C9: variants seen among roughly 807,000 people sequenced by gnomAD.
The protein encoded by C9 is complement C9.
C9 carries 63 observed loss-of-function variants against 65.4 expected under a neutral mutation model. That is an observed-to-expected ratio of 0.96 (90% confidence interval 0.79 to 1.19). The LOEUF (loss-of-function observed/expected upper bound fraction) is 1.19. C9 is among the 50% of genes most tolerant of loss of function. The pLI, the probability that C9 is intolerant of heterozygous loss-of-function variation, is 0.00. For missense variants in C9, 744 were observed against 670.1 expected, an observed-to-expected ratio of 1.11 and a Z score of -1.22; for synonymous variants, 229 against 227.9, an observed-to-expected ratio of 1.00 and a Z score of -0.04.
intron 9 of C9, among the ~76,000 whole-genome samples, chr5:39,305,488 G>A (rs1259509558): frequency 6.6e-6 from 1 of 152,036 alleles, no homozygotes; most frequent in Non-Finnish European, 1.5e-5. Context: ...TAATCAAACT[G>A]GAGTAGGGAG....
intron 1 of C9, among the ~76,000 whole-genome samples, chr5:39,358,013 C>T (rs891503424): frequency 2.0e-5 from 3 of 152,110 alleles, no homozygotes; most frequent in African/African-American, 7.2e-5. Context: ...TTCAGCTCCC[C>T]AGCTGATTGA....
At chr5:39,328,209 C>T (rs74435106) in intron 5 of C9, among the ~76,000 whole-genome samples, 4,576 of 152,242 alleles carry the variant, frequency 0.03, 214 homozygotes, top group African/African-American at 0.1. Context: ...AGTAAGTACA[C>T]AGAATAACTT....
At chr5:39,359,987 G>T (rs1754485341) in intron 1 of C9, among the ~76,000 whole-genome samples, 2 of 152,168 alleles carry the variant, frequency 1.3e-5, no homozygotes. Context: ...CTGTTCACTT[G>T]CATGGAATAT....
At chr5:39,345,653 C>G (rs1754177825) in intron 1 of C9, among the ~76,000 whole-genome samples, 1 of 152,208 alleles carries the variant, frequency 6.6e-6, no homozygotes, top group Non-Finnish European at 1.5e-5. Flanking sequence ...GAATTTAACT[C>G]AGCTCTGCAC....
chr5:39,298,316 A>G (rs1292009569), intron 9 of C9, among the ~76,000 whole-genome samples: 1 of 151,696 alleles, frequency 6.6e-6, no homozygotes, highest in Non-Finnish European at 1.5e-5. Flanking sequence ...ATGAGAATTG[A>G]AATAGAAATT....
chr5:39,288,325 G>A (rs574165479), intron 10 of C9, among the ~76,000 whole-genome samples: 50 of 151,506 alleles, frequency 3.3e-4, no homozygotes, highest in African/African-American at 1.2e-3. Context: ...TCTTAAAAAA[G>A]GGTTTTAAAG....
At chr5:39,313,039 G>A in intron 6 of C9, among the ~76,000 whole-genome samples, 1 of 152,002 alleles carries the variant, frequency 6.6e-6, no homozygotes, top group East Asian at 1.9e-4. Context: ...GTATATCTTG[G>A]GATTTGGGGT....
intron 6 of C9, among the ~76,000 whole-genome samples, chr5:39,312,959 A>G (rs1342575983): frequency 6.6e-6 from 1 of 152,112 alleles, no homozygotes; most frequent in Non-Finnish European, 1.5e-5. Flanking sequence ...CCTGACTTGC[A>G]CAAGAATTCT....
intron 9 of C9, among the ~76,000 whole-genome samples, chr5:39,295,518 G>C (rs1753170574): frequency 6.6e-6 from 1 of 151,520 alleles, no homozygotes; most frequent in African/African-American, 2.4e-5. Context: ...GAAAAACTAT[G>C]AAACACTATT....
At chr5:39,343,178 G>A (rs1754122215) in intron 1 of C9, among the ~76,000 whole-genome samples, 2 of 152,102 alleles carry the variant, frequency 1.3e-5, no homozygotes, top group African/African-American at 4.8e-5. Flanking sequence ...CAGACAGTGG[G>A]GGCAGGACAG....
At chr5:39,322,696 T>C (rs1438776919) in intron 5 of C9, among the ~76,000 whole-genome samples, 1 of 152,148 alleles carries the variant, frequency 6.6e-6, no homozygotes, top group Non-Finnish European at 1.5e-5. Context: ...ATCCGTGGAT[T>C]CAACCATCAT....
At chr5:39,328,627 C>A (rs1445698929) in intron 5 of C9, among the ~76,000 whole-genome samples, 1 of 151,652 alleles carries the variant, frequency 6.6e-6, no homozygotes, top group Admixed American at 6.6e-5. Context: ...CTTGGATGAA[C>A]AAAATAATTT....
intron 9 of C9, among the ~76,000 whole-genome samples, chr5:39,300,533 G>GA (rs1247737064): frequency 6.6e-6 from 1 of 151,516 alleles, no homozygotes; most frequent in Non-Finnish European, 1.5e-5. Context: ...AACAAATTGA[G>GA]AAAAAAAGAC....
At chr5:39,317,262 G>A (rs149343654) in intron 5 of C9, among the ~76,000 whole-genome samples, 4,477 of 152,134 alleles carry the variant, frequency 0.029, 197 homozygotes, top group African/African-American at 0.099. Flanking sequence ...TTGTCAGATG[G>A]ATAGATTGCA....
chr5:39,311,210 G>GGA lies in C9; in HGVS notation c.1037_1038insTC (p.Ser347ProfsTer7). The GGA allele has an allele frequency of 6.2e-7, 1 of 1,612,196 alleles. No individual in the cohort carries two copies. Among genetic ancestry groups the GGA allele is most frequent in the Non-Finnish European group, 8.5e-7 (1 of 1,178,336 alleles). ...GTCCTCCTAGAGACCCAGAGCTACT[G>GGA]TAGTGAGTTCCATAGGTTTCCAAAA... On this transcript the variant is annotated frameshift_variant, in exon 7 of 11. Coordinates refer to ENST00000263408, the MANE Select transcript of C9 (RefSeq NM_001737.5). LOFTEE classifies it high-confidence loss of function.
chr5:39,341,396 A>T (rs1754078906), intron 3 of C9, 103 bp from the exon 4 acceptor site: 1 of 1,494,482 alleles, frequency 6.7e-7, no homozygotes, highest in Non-Finnish European at 9.3e-7. Context: ...AGGTATCAGA[A>T]AAACACATTT....
intron 5 of C9, among the ~76,000 whole-genome samples, chr5:39,322,647 G>T (rs1014948951): frequency 6.6e-6 from 1 of 152,036 alleles, no homozygotes; most frequent in African/African-American, 2.4e-5. Flanking sequence ...AATGAAAGAG[G>T]AGACATTACT....
At chr5:39,312,143 T>C (rs887954182) in intron 6 of C9, among the ~76,000 whole-genome samples, 1 of 152,176 alleles carries the variant, frequency 6.6e-6, no homozygotes, top group East Asian at 1.9e-4. Flanking sequence ...ATTTTAAACA[T>C]AGATCTTAAA....
intron 1 of C9, among the ~76,000 whole-genome samples, chr5:39,359,088 A>ATG (rs72196067): frequency 1.1e-4 from 12 of 109,272 alleles, no homozygotes; most frequent in South Asian, 2.9e-4. Context: ...GTATATATAT[A>ATG]TGTGTGTGTG....
Sources: allele counts gnomAD v4.1 joint callset (sites outside exome capture counted in the v4.1 genomes callset), GRCh38; gene constraint gnomAD v4.1.1; transcripts MANE v1.5; gene names NCBI Gene and HGNC (gene_info 2026-07-23, HGNC 2026-07-21).